KMT5B: variants seen among roughly 807,000 people sequenced by gnomAD.
The protein encoded by KMT5B is histone-lysine N-methyltransferase KMT5B.
In KMT5B, 10 loss-of-function variants were observed where a neutral mutation model predicts 83.2. The observed-to-expected ratio is 0.12, with a 90% CI of 0.07 to 0.20. The LOEUF (loss-of-function observed/expected upper bound fraction) is 0.20. KMT5B is among the 10% of genes least tolerant of loss of function. The pLI, the probability that KMT5B is intolerant of heterozygous loss-of-function variation, is 1.00. For missense variants in KMT5B, 753 were observed against 1,067.2 expected (o/e 0.71, Z 4.10); for synonymous variants, 349 against 388.8 (o/e 0.90, Z 1.20).
chr11:68,175,051 C>A lies in KMT5B; in HGVS notation c.510G>T (p.Lys170Asn). 1 of 1,613,808 alleles carries A rather than the reference C, an allele frequency of 6.2e-7. No individual in the cohort carries two copies. The highest frequency in any genetic ancestry group is 1.1e-5 in the South Asian group (1 of 91,040). The part of the protein sequence containing the change: ...GEWARHYFLN[K>N]NKMQEKLFKE... Reference sequence around the variant, plus strand: ...TGAATAATTTCTCCTGCATTTTATTCTTGTTGAGAAAATAGTGCCGTGCCC... The same window carrying A: ...TGAATAATTTCTCCTGCATTTTATTATTGTTGAGAAAATAGTGCCGTGCCC... Residue 170 changes from lysine (K) to asparagine (N), a missense_variant, in exon 5 of 11, where the codon AAG becomes AAT. By Grantham distance (94) the Lys-to-Asn change is moderately conservative. Around this residue, in one of 9 missense-constraint regions of KMT5B, gnomAD observed 71 missense variants for 107.0 expected, o/e 0.66. Transcript: ENST00000304363.
chr11:68,198,360 C>T (rs1239798175), intron 1 of KMT5B, among the ~76,000 whole-genome samples: 3 of 151,928 alleles, frequency 2.0e-5, no homozygotes, highest in African/African-American at 7.3e-5. Flanking sequence ...CTCCATCCAG[C>T]CTGGGCGACA....
chr11:68,204,675 G>A (rs1252254346), intron 1 of KMT5B, among the ~76,000 whole-genome samples: 1 of 148,532 alleles, frequency 6.7e-6, no homozygotes, highest in Non-Finnish European at 1.5e-5. Flanking sequence ...GGAGGCAGTG[G>A]TGCGATCTCA....
At chr11:68,212,758 C>T (rs548601284) in intron 1 of KMT5B, 5 of 152,364 alleles carry the variant, frequency 3.3e-5, no homozygotes, top group African/African-American at 1.2e-4. Flanking sequence ...ACAAAAAGTT[C>T]AGCGCGGCAG....
chr11:68,179,620 G>A, intron 4 of KMT5B: 3 of 1,270,872 alleles, frequency 2.4e-6, no homozygotes, highest in Non-Finnish European at 3.1e-6. Flanking sequence ...GAGCTGACTG[G>A]AGGGGTGGGG....
chr11:68,181,481 C>T (rs1310327107), intron 3 of KMT5B, among the ~76,000 whole-genome samples: 1 of 152,096 alleles, frequency 6.6e-6, no homozygotes, highest in African/African-American at 2.4e-5. Context: ...ATTACAGGTG[C>T]ATAAACATAT....
At chr11:68,178,780 G>A (rs1856623524) in intron 4 of KMT5B, among the ~76,000 whole-genome samples, 1 of 152,102 alleles carries the variant, frequency 6.6e-6, no homozygotes, top group African/African-American at 2.4e-5. Flanking sequence ...TAGGGCTGGT[G>A]CAAATGCACT....
At chr11:68,178,147 C>T (rs781035815) in intron 4 of KMT5B, among the ~76,000 whole-genome samples, 9 of 152,166 alleles carry the variant, frequency 5.9e-5, no homozygotes, top group Non-Finnish European at 5.9e-5. Flanking sequence ...GGGCTACAAA[C>T]GACAGAAAGG....
At chr11:68,164,057 A>C (rs1389063429) in intron 10 of KMT5B, among the ~76,000 whole-genome samples, 1 of 152,176 alleles carries the variant, frequency 6.6e-6, no homozygotes, top group Non-Finnish European at 1.5e-5. Flanking sequence ...GGGGCAGCCC[A>C]GTCAGCGAGG....
intron 1 of KMT5B, among the ~76,000 whole-genome samples, chr11:68,200,311 G>C (rs1043349135): frequency 6.6e-6 from 1 of 152,192 alleles, no homozygotes; most frequent in Non-Finnish European, 1.5e-5. Context: ...GCAGAGCCAG[G>C]CATGACAGGG....
intron 1 of KMT5B, among the ~76,000 whole-genome samples, chr11:68,196,773 C>T (rs1443388384): frequency 6.6e-6 from 1 of 151,878 alleles, no homozygotes; most frequent in Admixed American, 6.6e-5. Flanking sequence ...AGAACCAGGA[C>T]CAGGAAAAGT....
chr11:68,206,845 T>C (rs1340833887), intron 1 of KMT5B, among the ~76,000 whole-genome samples: 1 of 151,826 alleles, frequency 6.6e-6, no homozygotes, highest in East Asian at 1.9e-4. Flanking sequence ...AGAACAAATG[T>C]GCAAAAGAAT....
In KMT5B at chr11:68,180,166, T is replaced by C. The variant is rs1367116229; in HGVS notation, c.343A>G (p.Lys115Glu). Residue 115 changes from lysine (K) to glutamate (E), a missense_variant, in exon 4 of 11, where the codon AAA becomes GAA. By Grantham distance (56) the Lys-to-Glu change is moderately conservative. Around this residue, in one of 9 missense-constraint regions of KMT5B, gnomAD observed 71 missense variants for 107.0 expected, o/e 0.66. Coordinates refer to ENST00000304363, the MANE Select transcript of KMT5B (RefSeq NM_017635.5). ...TTGTTGTGAGAAAAACTGTCAGATT[T>C]TGAAAAATGCCTTGAGCTCCTCGAA... ...FPSRSSRHFSKSDSFSHNNPV... is the reference protein window; with the variant it reads ...FPSRSSRHFSESDSFSHNNPV... 1 of 1,578,654 alleles carries C rather than the reference T, an allele frequency of 6.3e-7. No homozygotes were observed. Among genetic ancestry groups the C allele is most frequent in the African/African-American group, 1.3e-5 (1 of 74,302 alleles).
intron 1 of KMT5B, among the ~76,000 whole-genome samples, chr11:68,200,282 A>C (rs1399641092): frequency 2.0e-5 from 3 of 152,206 alleles, no homozygotes; most frequent in Non-Finnish European, 4.4e-5. Context: ...AGGATCACAA[A>C]AGGAGCAACA....
intron 1 of KMT5B, among the ~76,000 whole-genome samples, chr11:68,209,814 G>C (rs1197593418): frequency 6.6e-6 from 1 of 151,952 alleles, no homozygotes; most frequent in African/African-American, 2.4e-5. Context: ...GTACCACCTA[G>C]AGGTTTATCA....
At chr11:68,167,255 G>GCTA in intron 9 of KMT5B, 77 bp from the exon 10 acceptor site, 1 of 1,510,456 alleles carries the variant, frequency 6.6e-7, no homozygotes, top group African/African-American at 1.4e-5. Context: ...AGGGTACTTG[G>GCTA]CTACAGGTTA....
At chr11:68,179,513 G>C (rs969405007) in intron 4 of KMT5B, 14 of 1,303,956 alleles carry the variant, frequency 1.1e-5, no homozygotes, top group Non-Finnish European at 1.4e-5. Flanking sequence ...AGGTTTTCTT[G>C]CTATTTGGTT....
At chr11:68,180,582 G>A (rs1438738479) in intron 3 of KMT5B, among the ~76,000 whole-genome samples, 1 of 152,216 alleles carries the variant, frequency 6.6e-6, no homozygotes, top group East Asian at 1.9e-4. Context: ...AGTAAGGACT[G>A]TACAGGCTGA....
intron 5 of KMT5B, 139 bp downstream of exon 5, chr11:68,174,877 GTA>G (rs2153055735): frequency 2.6e-6 from 2 of 766,988 alleles, no homozygotes; most frequent in South Asian, 4.1e-5. Flanking sequence ...CCAAATGACT[GTA>G]TGTGTTACAA....
At chr11:68,193,510 CA>C (rs879822490) in intron 1 of KMT5B, among the ~76,000 whole-genome samples, 653 of 140,328 alleles carry the variant, frequency 4.7e-3, no homozygotes, top group African/African-American at 0.013. Flanking sequence ...AGGGGAATGG[CA>C]AAAAAAAAAA....
Sources: allele counts gnomAD v4.1 joint callset (sites outside exome capture counted in the v4.1 genomes callset), GRCh38; gene constraint gnomAD v4.1.1; regional missense constraint gnomAD v4.1.1; transcripts MANE v1.5; gene names NCBI Gene and HGNC (gene_info 2026-07-23, HGNC 2026-07-21).